CHLSN: variants seen among roughly 807,000 people sequenced by gnomAD.
CHLSN encodes the protein protein cholesin.
the CHLSN span, among the ~76,000 whole-genome samples, chr7:1,078,566 G>A: frequency 1.3e-5 from 2 of 151,680 alleles, no homozygotes; most frequent in Non-Finnish European, 2.9e-5. Context: ...CCACAGGCGA[G>A]GCCTAACGCC....
At chr7:997,850 G>C in the CHLSN span, 1 of 1,511,272 alleles carries the variant, frequency 6.6e-7, no homozygotes, top group South Asian at 1.2e-5. Context: ...GGCAGGGAGG[G>C]GCCGCTGAAC....
At chr7:1,021,933 G>A in the CHLSN span, among the ~76,000 whole-genome samples, 8 of 152,252 alleles carry the variant, frequency 5.3e-5, no homozygotes, top group Middle Eastern at 3.4e-3. Flanking sequence ...CAGCTCCCTC[G>A]GCCTGGGTCA....
chr7:1,004,411 C>T, the CHLSN span, among the ~76,000 whole-genome samples: 10 of 152,186 alleles, frequency 6.6e-5, no homozygotes, highest in African/African-American at 1.2e-4. Flanking sequence ...AGCCCACGCA[C>T]GGTGAGTCAG....
chr7:1,049,653 G>A, the CHLSN span, among the ~76,000 whole-genome samples: 1 of 152,168 alleles, frequency 6.6e-6, no homozygotes, highest in Non-Finnish European at 1.5e-5. Flanking sequence ...AGCAGGGCAC[G>A]GTCCTTCCTA....
chr7:1,089,758 A>T, the CHLSN span, among the ~76,000 whole-genome samples: 1 of 149,258 alleles, frequency 6.7e-6, no homozygotes, highest in Non-Finnish European at 1.5e-5. Context: ...TAGGTCAACA[A>T]ATCTCTAGTC....
chr7:1,016,161 A>G, the CHLSN span, among the ~76,000 whole-genome samples: 24 of 57,600 alleles, frequency 4.2e-4, no homozygotes, highest in South Asian at 9.6e-4. Flanking sequence ...ACACGCCAGC[A>G]CACAGCAGCA....
At chr7:999,015 A>G in the CHLSN span, among the ~76,000 whole-genome samples, 4 of 152,250 alleles carry the variant, frequency 2.6e-5, no homozygotes, top group East Asian at 3.8e-4. Flanking sequence ...ATAAAAATGT[A>G]TAAGTAAAAT....
the CHLSN span, chr7:985,317 C>A: frequency 1.3e-6 from 2 of 1,550,264 alleles, no homozygotes; most frequent in Non-Finnish European, 1.7e-6. Flanking sequence ...GGTCCCCTGG[C>A]CTGCAGGTGA....
chr7:1,023,624 A>AACACACACACACACACACACACAC, the CHLSN span, among the ~76,000 whole-genome samples: 34 of 122,376 alleles, frequency 2.8e-4, no homozygotes, highest in East Asian at 1.9e-3. This position sits in a 1 kb window ranked among gnomAD's most constrained non-coding sequence, Gnocchi z 5.0. Flanking sequence ...CCTCCCAGGA[A>AACACACACACACACACACACACAC]ACACACACAC....
the CHLSN span, among the ~76,000 whole-genome samples, chr7:1,018,797 A>G: frequency 6.6e-6 from 1 of 151,974 alleles, no homozygotes; most frequent in South Asian, 2.1e-4. Context: ...AAATCAATAG[A>G]TCAGGGCTGC....
At chr7:984,782 C>T in the CHLSN span, among the ~76,000 whole-genome samples, 1 of 152,190 alleles carries the variant, frequency 6.6e-6, no homozygotes, top group Non-Finnish European at 1.5e-5. Context: ...TTCTTTTCAT[C>T]CCAAGTCAAG....
At chr7:1,082,035 A>G in the CHLSN span, 1 of 152,282 alleles carries the variant, frequency 6.6e-6, no homozygotes, top group South Asian at 2.1e-4. Flanking sequence ...GCCCCGCAGG[A>G]GCACGCACTC....
At chr7:1,130,414 TAGGAGGGAGA>T in the CHLSN span, among the ~76,000 whole-genome samples, 1 of 152,114 alleles carries the variant, frequency 6.6e-6, no homozygotes, top group African/African-American at 2.4e-5. Context: ...AGGCTGCTTC[TAGGAGGGAGA>T]AGCAGGGGCC....
the CHLSN span, among the ~76,000 whole-genome samples, chr7:1,117,910 G>C: frequency 6.6e-6 from 1 of 152,300 alleles, no homozygotes; most frequent in African/African-American, 2.4e-5. Flanking sequence ...CTGAGCTCAA[G>C]GGATCCTCCC....
chr7:1,077,423 G>A, the CHLSN span, among the ~76,000 whole-genome samples: 1 of 152,234 alleles, frequency 6.6e-6, no homozygotes, highest in South Asian at 2.1e-4. Context: ...CCAGAGTGCT[G>A]GGATTACAGG....
the CHLSN span, among the ~76,000 whole-genome samples, chr7:1,032,766 A>C: frequency 4.6e-5 from 7 of 152,232 alleles, no homozygotes; most frequent in African/African-American, 1.4e-4. Flanking sequence ...AAAACCACCC[A>C]ATCAGCAGGT....
the CHLSN span, among the ~76,000 whole-genome samples, chr7:1,050,697 C>T: frequency 0.19 from 29,622 of 152,168 alleles, 3,046 homozygotes; most frequent in Admixed American, 0.22. Flanking sequence ...GAGCCCAGCA[C>T]GGGGTCTTGG....
At chr7:1,036,435 TA>T in the CHLSN span, among the ~76,000 whole-genome samples, 13,235 of 130,058 alleles carry the variant, frequency 0.1, 1,049 homozygotes, top group Middle Eastern at 0.2. Flanking sequence ...TGTGGCCGTG[TA>T]GGGTTCGGGT....
At chr7:991,052 C>T in the CHLSN span, among the ~76,000 whole-genome samples, 1 of 151,960 alleles carries the variant, frequency 6.6e-6, no homozygotes, top group Non-Finnish European at 1.5e-5. Context: ...CTGCAGGGGA[C>T]CCTCGGGCCC....
Sources: allele counts gnomAD v4.1 joint callset (sites outside exome capture counted in the v4.1 genomes callset), GRCh38; gene constraint gnomAD v4.1.1; non-coding constraint Gnocchi (gnomAD v3.1); transcripts MANE v1.5; gene names NCBI Gene and HGNC (gene_info 2026-07-23, HGNC 2026-07-21).